The following GLIS1 variants were observed in gnomAD, a reference collection of about 807,000 sequenced individuals.
GLIS1 encodes zinc finger protein GLIS1.
In GLIS1, 24 loss-of-function variants were observed where a neutral mutation model predicts 63.8. That is an observed-to-expected ratio of 0.38 (90% CI 0.27 to 0.53). The LOEUF (loss-of-function observed/expected upper bound fraction) is 0.53. Ranked by LOEUF, GLIS1 falls within the 20% of genes least tolerant of loss-of-function variation. The pLI is 0.85. For missense variants in GLIS1, 1,036 were observed against 1,074.1 expected (o/e 0.96, Z 0.50); for synonymous variants, 450 against 482.5 (o/e 0.93, Z 0.88).
At chr1:53,731,185 A>G (rs912940798) in intron 2 of GLIS1, among the ~76,000 whole-genome samples, 3 of 152,194 alleles carry the variant, frequency 2.0e-5, no homozygotes, top group African/African-American at 7.2e-5. Context: ...GCTTCTGAGA[A>G]GCGGTCCCTC....
chr1:53,528,279 C>T (rs1644492902), intron 5 of GLIS1, among the ~76,000 whole-genome samples: 1 of 152,192 alleles, frequency 6.6e-6, no homozygotes, highest in Non-Finnish European at 1.5e-5. Flanking sequence ...GGATGGGGCC[C>T]TTCCTTGCCA....
Position 53,717,329 on chromosome 1 carries a change from G to A in GLIS1, c.259+20477C>T, listed in dbSNP as rs182161783. ...GCACATGGTAAACATTTAAAGGTTC[G>A]CTCTTATTAAAATTACCCAGTCACA... On this transcript the variant is annotated intron_variant, in intron 2 of 10. Coordinates refer to ENST00000628545, the MANE Select transcript of GLIS1 (RefSeq NM_001367484.1). Among the ~76,000 whole-genome samples the A allele has an allele frequency of 2.6e-5, 4 of 152,254 alleles. No homozygotes were observed. The East Asian group carries it at 5.8e-4, about 22-fold the overall frequency.
chr1:53,711,352 T>C (rs1419810863), intron 2 of GLIS1, among the ~76,000 whole-genome samples: 2 of 152,006 alleles, frequency 1.3e-5, no homozygotes, highest in African/African-American at 2.4e-5. Context: ...TATCAGACCA[T>C]CACAGTGGAC....
At chr1:53,518,907 C>G (rs991457060) in intron 7 of GLIS1, among the ~76,000 whole-genome samples, 1 of 152,222 alleles carries the variant, frequency 6.6e-6, no homozygotes, top group Admixed American at 6.5e-5. Flanking sequence ...TGGCTGCTGA[C>G]TTCTCTGGAT....
chr1:53,533,911 TCA>T (rs1491116463), intron 4 of GLIS1, among the ~76,000 whole-genome samples: 18 of 152,130 alleles, frequency 1.2e-4, no homozygotes, highest in African/African-American at 3.9e-4. Context: ...CTTATCTTCT[TCA>T]CTGCCCAGTA....
chr1:53,553,499 C>T (rs982750018), intron 4 of GLIS1, among the ~76,000 whole-genome samples: 1 of 152,210 alleles, frequency 6.6e-6, no homozygotes, highest in Non-Finnish European at 1.5e-5. Flanking sequence ...GTGAGCAAGA[C>T]ACATGTGGTC....
At position 53,619,209 on chromosome 1, in the gene GLIS1, C is replaced by T. The variant is rs566429855; in HGVS notation, c.260-18931G>A. 5.9e-5 allele frequency among the ~76,000 whole-genome samples: 9 copies of T among 152,340 alleles called. 1 individual carries two copies. In the South Asian group the frequency reaches 1.5e-3, roughly 25 times the overall value. On this transcript the variant is annotated intron_variant, in intron 2 of 10. Transcript: ENST00000628545. ...CCTTTCTGGCATGGGCCAAAGAGAA[C>T]ACCCATCCACCCACCCTGAGCTGGG...
At chr1:53,722,565 G>T (rs923315143) in intron 2 of GLIS1, among the ~76,000 whole-genome samples, 3 of 152,152 alleles carry the variant, frequency 2.0e-5, no homozygotes, top group Non-Finnish European at 2.9e-5. Flanking sequence ...TGCAGGCCAG[G>T]TGTGGTGACT....
chr1:53,618,235 AAGT>A (rs1174579054), intron 2 of GLIS1, among the ~76,000 whole-genome samples: 1 of 152,238 alleles, frequency 6.6e-6, no homozygotes, highest in East Asian at 1.9e-4. Context: ...CTCCCGCTGT[AAGT>A]GATCAGCTGC....
intron 2 of GLIS1, among the ~76,000 whole-genome samples, chr1:53,630,493 CTTTCT>C (rs1175396272): frequency 6.8e-5 from 3 of 44,082 alleles, no homozygotes; most frequent in East Asian, 1.0e-3. Flanking sequence ...GGACCAATTT[CTTTCT>C]TTTTTTTTTT....
intron 4 of GLIS1, among the ~76,000 whole-genome samples, chr1:53,568,129 C>T (rs1490381509): frequency 6.6e-6 from 1 of 152,232 alleles, no homozygotes; most frequent in African/African-American, 2.4e-5. Flanking sequence ...TCTGCAGAGC[C>T]ACAGGGATGG....
chr1:53,688,443 C>T (rs1406694956), intron 2 of GLIS1, among the ~76,000 whole-genome samples: 1 of 152,220 alleles, frequency 6.6e-6, no homozygotes. Flanking sequence ...GTCCCCCAGC[C>T]TCTGTGCCAC....
At chr1:53,543,016 A>T (rs529555941) in intron 4 of GLIS1, among the ~76,000 whole-genome samples, 3 of 150,860 alleles carry the variant, frequency 2.0e-5, no homozygotes, top group South Asian at 4.1e-4. Flanking sequence ...GGTTCAGTGT[A>T]AGCCCCCCAA....
intron 2 of GLIS1, among the ~76,000 whole-genome samples, chr1:53,716,625 T>C (rs1393351674): frequency 6.6e-6 from 1 of 152,120 alleles, no homozygotes; most frequent in Non-Finnish European, 1.5e-5. Flanking sequence ...TGCCTGAAAG[T>C]GCTTTTGCAA....
At chr1:53,708,136 A>T (rs988992883) in intron 2 of GLIS1, among the ~76,000 whole-genome samples, 3 of 152,014 alleles carry the variant, frequency 2.0e-5, no homozygotes, top group Non-Finnish European at 4.4e-5. Flanking sequence ...CAAAAAAATT[A>T]GCTGGGCGTG....
At chr1:53,726,567 A>G (rs1028576280) in intron 2 of GLIS1, among the ~76,000 whole-genome samples, 2 of 152,100 alleles carry the variant, frequency 1.3e-5, no homozygotes, top group Non-Finnish European at 2.9e-5. Flanking sequence ...TAAACTAGGG[A>G]AGAGGTGGGG....
At chr1:53,680,965 AC>A (rs1646268843) in intron 2 of GLIS1, among the ~76,000 whole-genome samples, 1 of 152,182 alleles carries the variant, frequency 6.6e-6, no homozygotes, top group Non-Finnish European at 1.5e-5. Context: ...CAACACATCT[AC>A]CCTGAGCAGA....
intron 2 of GLIS1, among the ~76,000 whole-genome samples, chr1:53,725,919 A>G (rs1279376144): frequency 1.3e-5 from 2 of 152,180 alleles, no homozygotes; most frequent in Non-Finnish European, 2.9e-5. Flanking sequence ...CCTTGACTGG[A>G]GAGGGGCAGA....
At chr1:53,687,360 T>G (rs573775438) in intron 2 of GLIS1, among the ~76,000 whole-genome samples, 2 of 152,290 alleles carry the variant, frequency 1.3e-5, no homozygotes, top group Non-Finnish European at 2.9e-5. Context: ...TCCTAAGGGA[T>G]TCCCATGGAG....
Sources: gnomAD v4.1 joint callset for allele counts (sites outside exome capture counted in the v4.1 genomes callset) on GRCh38, gnomAD v4.1.1 for gene constraint, MANE v1.5 for transcripts, NCBI Gene and HGNC (gene_info 2026-07-23, HGNC 2026-07-21) for gene names.